The following ARHGAP15 variants were observed in gnomAD, a reference collection of about 807,000 sequenced individuals.
The protein encoded by ARHGAP15 is Rho GTPase activating protein 15.
A neutral mutation model predicts 63.7 loss-of-function variants in ARHGAP15; 51 were observed. The observed-to-expected ratio is 0.80, with a 90% confidence interval of 0.64 to 1.01. The LOEUF (loss-of-function observed/expected upper bound fraction) is 1.01, where lower values mean the gene tolerates loss of function less well. Ranked by LOEUF, ARHGAP15 falls within the 50% of genes least tolerant of loss-of-function variation. The probability of loss-of-function intolerance (pLI) is 0.00; values close to 1 mark genes in which losing one functional copy is unlikely to be tolerated. For missense variants in ARHGAP15, 560 were observed against 564.6 expected, an observed-to-expected ratio of 0.99 and a Z score of 0.08; for synonymous variants, 191 against 193.8, an observed-to-expected ratio of 0.99 and a Z score of 0.12.
chr2:143,179,724 C>CA (rs935595961), intron 2 of ARHGAP15, among the ~76,000 whole-genome samples: 41 of 152,120 alleles, frequency 2.7e-4, no homozygotes, highest in African/African-American at 9.6e-4. Context: ...CCTGTCTCTA[C>CA]AAAAAATTAA....
At chr2:143,500,838 A>G (rs1369237274) in intron 9 of ARHGAP15, among the ~76,000 whole-genome samples, 2 of 152,214 alleles carry the variant, frequency 1.3e-5, no homozygotes, top group African/African-American at 4.8e-5. Context: ...TGTAGAGCAA[A>G]AGAGAGAAAT....
chr2:143,268,597 A>G (rs1306928114), intron 6 of ARHGAP15, among the ~76,000 whole-genome samples: 1 of 152,170 alleles, frequency 6.6e-6, no homozygotes, highest in Non-Finnish European at 1.5e-5. Flanking sequence ...ATTTTTAAAA[A>G]TTACACGTTA....
At chr2:143,403,203 T>G (rs1206002246) in intron 6 of ARHGAP15, among the ~76,000 whole-genome samples, 1 of 151,696 alleles carries the variant, frequency 6.6e-6, no homozygotes, top group Non-Finnish European at 1.5e-5. Flanking sequence ...TTATTTTTTA[T>G]TTTTTTTCTT....
chr2:143,672,894 G>GAGTT (rs1442289495), intron 12 of ARHGAP15, among the ~76,000 whole-genome samples: 1 of 152,086 alleles, frequency 6.6e-6, no homozygotes, highest in African/African-American at 2.4e-5. Flanking sequence ...CTGAAAAGTT[G>GAGTT]AGTTAAAAAA....
chr2:143,696,406 C>A (rs1248461034), intron 12 of ARHGAP15, among the ~76,000 whole-genome samples: 1 of 149,904 alleles, frequency 6.7e-6, no homozygotes, highest in Non-Finnish European at 1.5e-5. Context: ...AGAAATTATA[C>A]CTTTATTTTT....
intron 4 of ARHGAP15, among the ~76,000 whole-genome samples, chr2:143,221,555 C>T (rs1692998519): frequency 6.6e-6 from 1 of 152,146 alleles, no homozygotes; most frequent in African/African-American, 2.4e-5. Context: ...CGTCCCCAAA[C>T]CTGTAAGTAA....
At chr2:143,218,335 T>C (rs1474672781) in intron 4 of ARHGAP15, among the ~76,000 whole-genome samples, 4 of 139,948 alleles carry the variant, frequency 2.9e-5, no homozygotes, top group African/African-American at 1.0e-4. Flanking sequence ...GTGCACAGAA[T>C]TGAGCTGATT....
chr2:143,633,794 T>A (rs1185708197), intron 12 of ARHGAP15, among the ~76,000 whole-genome samples: 1 of 152,174 alleles, frequency 6.6e-6, no homozygotes, highest in African/African-American at 2.4e-5. Flanking sequence ...TAGATTGTAA[T>A]AAAACTGAAG....
rs564611303 is a variant in ARHGAP15 at position 143,407,686 on chromosome 2, AT to A, written c.475-27907del. Among the ~76,000 whole-genome samples, 43 of 151,220 alleles carry A rather than the reference AT, an allele frequency of 2.8e-4. 2 individuals are homozygous for A. The South Asian group carries it at 8.1e-3, about 29-fold the overall frequency. ...TATTCTCTTCAAAATCTTTGATTTC[AT>A]TTTTTTTATTTTGTGTATTTTACCC... On this transcript the variant is annotated intron_variant, in intron 6 of 13. Transcript: ENST00000295095.
intron 13 of ARHGAP15, among the ~76,000 whole-genome samples, chr2:143,759,871 T>C (rs1018991846): frequency 5.9e-5 from 9 of 152,202 alleles, no homozygotes; most frequent in African/African-American, 2.2e-4. Flanking sequence ...TTGCCCAATA[T>C]TCAATAAAAG....
chr2:143,485,557 T>C (rs1198733598), intron 8 of ARHGAP15, among the ~76,000 whole-genome samples: 1 of 152,184 alleles, frequency 6.6e-6, no homozygotes, highest in African/African-American at 2.4e-5. Flanking sequence ...GATGGCCCTA[T>C]AATTTTTCCA....
chr2:143,534,142 TC>T (rs1490950995), intron 10 of ARHGAP15, among the ~76,000 whole-genome samples: 2 of 152,188 alleles, frequency 1.3e-5, no homozygotes, highest in African/African-American at 2.4e-5. Context: ...GGCTGGTTCC[TC>T]CATGCTGTTC....
chr2:143,680,274 G>A (rs2105369591), intron 12 of ARHGAP15, among the ~76,000 whole-genome samples: 1 of 152,240 alleles, frequency 6.6e-6, no homozygotes, highest in Non-Finnish European at 1.5e-5. Flanking sequence ...ATTGACCAGG[G>A]CAAAACATGG....
intron 6 of ARHGAP15, among the ~76,000 whole-genome samples, chr2:143,408,240 C>T (rs945347284): frequency 1.3e-5 from 2 of 149,444 alleles, no homozygotes. Context: ...CTTCTTCCTC[C>T]TCCTTTTCTT....
chr2:143,151,327 C>A (rs1689808784), intron 1 of ARHGAP15, among the ~76,000 whole-genome samples: 1 of 151,964 alleles, frequency 6.6e-6, no homozygotes, highest in Non-Finnish European at 1.5e-5. Context: ...CTAGGAGGCA[C>A]CATTTTCCAG....
intron 12 of ARHGAP15, among the ~76,000 whole-genome samples, chr2:143,646,520 A>G (rs1353793991): frequency 3.3e-5 from 5 of 151,856 alleles, no homozygotes; most frequent in Admixed American, 3.3e-4. Context: ...ACAGTGAGAC[A>G]GCATCTTCTG....
chr2:143,426,471 A>G (rs1689141256), intron 6 of ARHGAP15, among the ~76,000 whole-genome samples: 1 of 152,122 alleles, frequency 6.6e-6, no homozygotes, highest in Non-Finnish European at 1.5e-5. Context: ...ACTGCGGTGC[A>G]TTTCCTAGGT....
At chr2:143,588,691 C>T (rs967991469) in intron 11 of ARHGAP15, among the ~76,000 whole-genome samples, 4 of 152,158 alleles carry the variant, frequency 2.6e-5, no homozygotes, top group African/African-American at 9.7e-5. Context: ...CATAGTATCC[C>T]ATGGAAATTT....
intron 5 of ARHGAP15, among the ~76,000 whole-genome samples, chr2:143,239,972 T>TA (rs1693798281): frequency 8.7e-6 from 1 of 115,138 alleles, no homozygotes. Flanking sequence ...CCCTGGGTGA[T>TA]AGAGTGAGAC....
Sources: gnomAD v4.1 joint callset for allele counts (sites outside exome capture counted in the v4.1 genomes callset) on GRCh38, gnomAD v4.1.1 for gene constraint, MANE v1.5 for transcripts, NCBI Gene and HGNC (gene_info 2026-07-23, HGNC 2026-07-21) for gene names.